LMAN2L: variants seen among roughly 807,000 people sequenced by gnomAD.
The protein encoded by LMAN2L is VIP36-like protein.
In LMAN2L, 30 loss-of-function variants were observed where a neutral mutation model predicts 44.3. The ratio of observed to expected loss-of-function variants is 0.68; its 90% confidence interval spans 0.51 to 0.92. The LOEUF (loss-of-function observed/expected upper bound fraction) is 0.92. Ranked by LOEUF, LMAN2L falls within the 40% of genes least tolerant of loss-of-function variation. The probability of loss-of-function intolerance (pLI) is 0.00; values close to 1 mark genes in which losing one functional copy is unlikely to be tolerated. For synonymous variants in LMAN2L, 183 were observed against 171.1 expected (o/e 1.07, Z -0.54); for missense variants, 429 against 446.1 (o/e 0.96, Z 0.35).
chr2:96,736,363 T>C (rs1372604470), intron 2 of LMAN2L, among the ~76,000 whole-genome samples: 4 of 152,138 alleles, frequency 2.6e-5, no homozygotes, highest in Non-Finnish European at 5.9e-5. Flanking sequence ...CTGAAACAAA[T>C]GCATCCTATT....
At chr2:96,712,073 AAC>A (rs1191165385) in intron 4 of LMAN2L, 48 bp from the exon 5 acceptor site, 1 of 1,588,126 alleles carries the variant, frequency 6.3e-7, no homozygotes. Flanking sequence ...AGCACATAGG[AAC>A]GCCTGTACAA....
At chr2:96,725,435 T>C (rs1489075561) in intron 4 of LMAN2L, among the ~76,000 whole-genome samples, 1 of 151,700 alleles carries the variant, frequency 6.6e-6, no homozygotes, top group Non-Finnish European at 1.5e-5. Context: ...AGTTTTTCTA[T>C]TAAATTTTCT....
intron 2 of LMAN2L, chr2:96,736,989 T>G (rs937426376): frequency 2.9e-6 from 1 of 346,428 alleles, no homozygotes; most frequent in African/African-American, 2.2e-5. Flanking sequence ...TATCTACAAC[T>G]AATGAGAAAA....
intron 2 of LMAN2L, chr2:96,734,778 G>A (rs1011505297): frequency 6.4e-6 from 3 of 467,234 alleles, no homozygotes; most frequent in African/African-American, 5.9e-5. Flanking sequence ...ACAGAAACAG[G>A]ACAGAACTCC....
chr2:96,718,452 C>T (rs910144703), intron 4 of LMAN2L, among the ~76,000 whole-genome samples: 10 of 152,026 alleles, frequency 6.6e-5, no homozygotes, highest in Non-Finnish European at 4.4e-5. Flanking sequence ...GATGTTTGTA[C>T]GCTTTTGTTT....
At chr2:96,720,475 C>CTTT (rs74265067) in intron 4 of LMAN2L, among the ~76,000 whole-genome samples, 9 of 142,206 alleles carry the variant, frequency 6.3e-5, no homozygotes, top group African/African-American at 1.5e-4. Flanking sequence ...TTATCTTTAC[C>CTTT]TTTTTTTTTT....
rs1383123923 is a variant in LMAN2L at position 96,713,182 on chromosome 2, C to T, written c.508-1157G>A. The T allele has an allele frequency of 7.2e-6, 11 of 1,531,868 alleles. No homozygotes were observed. In the Admixed American group the frequency reaches 2.0e-4, roughly 27 times the overall value. 94.9% of individuals were successfully genotyped at this position (1,531,868 alleles called of 1,614,324 possible). A position where few individuals can be genotyped will look rare whatever the true frequency, so the allele number is the denominator to read the frequency against. ...GTTATGATAAAAACAAGAGAGGGCA[C>T]AGAAGACAGGAGACCAAGTCAGAAA... On this transcript the variant is annotated intron_variant, in intron 4 of 7. Transcript: ENST00000264963.
intron 4 of LMAN2L, among the ~76,000 whole-genome samples, chr2:96,720,666 C>T (rs1012464845): frequency 1.3e-5 from 2 of 151,966 alleles, no homozygotes; most frequent in Non-Finnish European, 1.5e-5. Context: ...TACAGCCAGG[C>T]GCGGTGACTC....
In LMAN2L at chr2:96,707,249, G is replaced by A; in HGVS notation, c.*7C>T. 1 of 1,613,578 alleles carries A rather than the reference G, an allele frequency of 6.2e-7. No homozygotes were observed. The highest frequency in any genetic ancestry group is 8.5e-7 in the Non-Finnish European group (1 of 1,179,652). On this transcript the variant is annotated 3_prime_UTR_variant, in exon 8 of 8. Coordinates refer to ENST00000264963, the MANE Select transcript of LMAN2L (RefSeq NM_030805.4). ...GACAGTCACAAAAGTGGTGGCAGCA[G>A]GAGGGCTCAGTAGAAGCGCTTTCGG...
intron 4 of LMAN2L, among the ~76,000 whole-genome samples, chr2:96,727,107 G>T (rs1011455150): frequency 6.6e-6 from 1 of 151,798 alleles, no homozygotes; most frequent in African/African-American, 2.4e-5. Context: ...AATAAAAAAT[G>T]TGTGTGTGAC....
At chr2:96,737,286 A>G in intron 2 of LMAN2L, 1 of 384,078 alleles carries the variant, frequency 2.6e-6, no homozygotes, top group Non-Finnish European at 5.0e-6. Context: ...ATGAAAATAA[A>G]ATTTTATATC....
In LMAN2L at chr2:96,737,847, T is replaced by C. The variant is rs1056338553; in HGVS notation, c.306+102A>G. The C allele has an allele frequency of 8.6e-6, 6 of 694,228 alleles. No homozygotes were observed. The African/African-American group carries it at 1.1e-4, about 12-fold the overall frequency. 43.0% of individuals were successfully genotyped at this position (694,228 alleles called of 1,614,324 possible). The stretch of plus-strand genomic sequence containing the variant: ...AAAGATCCTTGATATCCACAGAAGA[T>C]AGAATACCAGGGGGATAGACAGTAA... On this transcript the variant is annotated intron_variant, in intron 2 of 7. Transcript: ENST00000264963.
chr2:96,719,705 T>C (rs1001548528), intron 4 of LMAN2L, among the ~76,000 whole-genome samples: 3 of 152,138 alleles, frequency 2.0e-5, no homozygotes, highest in Non-Finnish European at 2.9e-5. Context: ...AAACAATTCT[T>C]CTGCCTCAGC....
intron 4 of LMAN2L, among the ~76,000 whole-genome samples, chr2:96,716,014 A>C (rs1377057641): frequency 6.6e-6 from 1 of 152,232 alleles, no homozygotes; most frequent in Non-Finnish European, 1.5e-5. Context: ...ATAAACATTC[A>C]ATCAGTGACT....
chr2:96,709,945 G>A lies in LMAN2L; in HGVS notation c.784+1711C>T, dbSNP rs753764927. Among the ~76,000 whole-genome samples the A allele has an allele frequency of 9.8e-5, 15 of 152,290 alleles. No individual in the cohort carries two copies. The East Asian group carries it at 2.5e-3, about 25-fold the overall frequency. On this transcript the variant is annotated intron_variant, in intron 6 of 7. Coordinates refer to ENST00000264963, the MANE Select transcript of LMAN2L (RefSeq NM_030805.4). ...TTGGGGACTTTCCATTAAAAAGTAC[G>A]TCAGGAGGTTAACCCAGAAACCTGT...
chr2:96,730,317 T>C (rs568661292), intron 4 of LMAN2L, among the ~76,000 whole-genome samples: 89 of 152,188 alleles, frequency 5.8e-4, no homozygotes, highest in Middle Eastern at 3.4e-3. Context: ...CCAGTCATGA[T>C]CCTCTCTTCA....
chr2:96,707,339 G>C lies in LMAN2L; in HGVS notation c.964C>G (p.Leu322Val). The C allele has an allele frequency of 6.2e-7, 1 of 1,613,952 alleles. No individual in the cohort carries two copies. Among genetic ancestry groups the C allele is most frequent in the South Asian group, 1.1e-5 (1 of 91,044 alleles). Reference protein sequence around the residue: ...LALFLIVFFSLVFSVFAIVIG... With the variant: ...LALFLIVFFSVVFSVFAIVIG... ...ACTATGGCAAATACAGAAAACACCA[G>C]GGAGAAAAAGACGATGAGGAAGAGG... is the stretch of plus-strand genomic sequence containing the variant. The change falls in exon 8 of 8, where the codon CTG becomes GTG. Residue 322 changes from leucine (L) to valine (V), a missense_variant. Coordinates refer to ENST00000264963, the MANE Select transcript of LMAN2L (RefSeq NM_030805.4).
intron 2 of LMAN2L, chr2:96,737,347 G>A (rs773244516): frequency 2.8e-6 from 1 of 354,738 alleles, no homozygotes; most frequent in Non-Finnish European, 5.4e-6. Context: ...TAAGGTTTGG[G>A]ATCAATTTAA....
Position 96,740,054 on chromosome 2 carries a change from G to C in LMAN2L, c.-14C>G. Reference sequence around the variant, plus strand: ...AGTCGCCGCCATCTTTCCCACCAACGACCCTTCATCAAAAGCCCGCCCCGT... The same window carrying C: ...AGTCGCCGCCATCTTTCCCACCAACCACCCTTCATCAAAAGCCCGCCCCGT... On this transcript the variant is annotated 5_prime_UTR_variant, in exon 1 of 8. Transcript: ENST00000264963. The C allele has an allele frequency of 2.5e-6, 4 of 1,596,936 alleles. No homozygotes were observed. The highest frequency in any genetic ancestry group is 3.4e-6 in the Non-Finnish European group (4 of 1,172,308).
Sources: gnomAD v4.1 joint callset for allele counts (sites outside exome capture counted in the v4.1 genomes callset) on GRCh38, gnomAD v4.1.1 for gene constraint, MANE v1.5 for transcripts, NCBI Gene and HGNC (gene_info 2026-07-23, HGNC 2026-07-21) for gene names.